ABR: variants seen among roughly 807,000 people sequenced by gnomAD.
The protein encoded by ABR is active breakpoint cluster region-related protein.
A neutral mutation model predicts 107.2 loss-of-function variants in ABR; 35 were observed. The ratio of observed to expected loss-of-function variants is 0.33; its 90% confidence interval spans 0.25 to 0.43. ABR has a LOEUF of 0.43. Among genes scored for constraint, ABR ranks in the 20% least tolerant of loss-of-function variants. The probability of loss-of-function intolerance (pLI) is 1.00; values close to 1 mark genes in which losing one functional copy is unlikely to be tolerated. For missense variants in ABR, 815 were observed against 1,115.2 expected (o/e 0.73, Z 3.83); for synonymous variants, 498 against 462.0 (o/e 1.08, Z -1.00).
At position 1,075,742 on chromosome 17, in the gene ABR, A is replaced by T. The variant is rs28639422; in HGVS notation, c.701-2065T>A. Among the ~76,000 whole-genome samples, 382 of 152,296 alleles carry T rather than the reference A, an allele frequency of 2.5e-3. 3 individuals carry two copies. Among genetic ancestry groups the T allele is most frequent in the African/African-American group, 8.2e-3 (341 of 41,564 alleles). On this transcript the variant is annotated intron_variant, in intron 6 of 22. Coordinates refer to ENST00000302538, the MANE Select transcript of ABR (RefSeq NM_021962.5). ...TTTATGTATTTATTTTAATTTTTTT[A>T]AAAATATAGAGACGAGGGGCCGGGC...
rs568743330 is a variant in ABR at position 1,050,808 on chromosome 17, C to G, written c.1562-174G>C. 6.6e-6 allele frequency among the ~76,000 whole-genome samples: 1 copy of G among 152,010 alleles called. No individual in the cohort carries two copies. The highest frequency in any genetic ancestry group is 1.5e-5 in the Non-Finnish European group (1 of 67,978). ...GACCATCTGGCTTCTCCCCTGCCCC[C>G]TTCTTAGGGGCTCAGCCCTCCCCAC... On this transcript the variant is annotated intron_variant, in intron 14 of 22. Coordinates refer to ENST00000302538, the MANE Select transcript of ABR (RefSeq NM_021962.5). The surrounding 1 kb of genome is among the most constrained non-coding windows in gnomAD (Gnocchi z 4.6).
At chr17:1,017,077 G>C (rs2071222237) in intron 16 of ABR, among the ~76,000 whole-genome samples, 1 of 152,042 alleles carries the variant, frequency 6.6e-6, no homozygotes, top group African/African-American at 2.4e-5. Context: ...ACCCAGAACA[G>C]GAGACAGAAG....
intron 4 of ABR, among the ~76,000 whole-genome samples, chr17:1,088,678 C>T (rs577452338): frequency 2.6e-4 from 39 of 151,902 alleles, no homozygotes; most frequent in Middle Eastern, 3.4e-3. Context: ...CTCTGCCTCC[C>T]GAGTTCAAGC....
At chr17:1,219,216 T>G (rs990995941) in intron 1 of ABR, among the ~76,000 whole-genome samples, 2 of 151,370 alleles carry the variant, frequency 1.3e-5, no homozygotes, top group Non-Finnish European at 2.9e-5. Context: ...ATAATTTTTG[T>G]TTTTTTTAGT....
chr17:1,052,296 C>T (rs1256176719), intron 14 of ABR, among the ~76,000 whole-genome samples: 1 of 151,084 alleles, frequency 6.6e-6, no homozygotes, highest in Non-Finnish European at 1.5e-5. Flanking sequence ...GAAGTGCTGT[C>T]ATCATGGATT....
intron 16 of ABR, among the ~76,000 whole-genome samples, chr17:1,048,029 C>T (rs889312856): frequency 3.0e-4 from 45 of 152,338 alleles, no homozygotes; most frequent in Admixed American, 2.2e-3. Context: ...CTTGCCTGGG[C>T]GTCTCCTGGG....
At position 1,179,943 on chromosome 17, in the gene ABR, C is replaced by A. The variant is rs939272509; in HGVS notation, c.-216G>T. The A allele has an allele frequency of 2.7e-6, 1 of 376,226 alleles. No homozygotes were observed. 23.3% of individuals were successfully genotyped at this position (376,226 alleles called of 1,614,324 possible). On this transcript the variant is annotated 5_prime_UTR_variant, in exon 1 of 23. Transcript: ENST00000302538. This position sits in a 1 kb window ranked among gnomAD's most constrained non-coding sequence, Gnocchi z 4.9. The stretch of plus-strand genomic sequence containing the variant: ...TCCCGAACCCTCCCGGCCCCAGCGG[C>A]CGCGCCGAGCCCAGCTGCGGATCCC...
At chr17:1,175,047 T>TA (rs887675014) in intron 1 of ABR, among the ~76,000 whole-genome samples, 31 of 151,870 alleles carry the variant, frequency 2.0e-4, no homozygotes, top group African/African-American at 7.2e-4. Context: ...AAAAATAAAA[T>TA]AAAAAAATAA....
chr17:1,066,780 C>T (rs778597585), intron 10 of ABR, among the ~76,000 whole-genome samples: 4 of 152,244 alleles, frequency 2.6e-5, no homozygotes, highest in Middle Eastern at 3.4e-3. Context: ...CCACCTGCCT[C>T]GGCCTTCCAA....
intron 1 of ABR, among the ~76,000 whole-genome samples, chr17:1,144,854 T>C (rs1482297237): frequency 6.6e-6 from 1 of 152,100 alleles, no homozygotes; most frequent in African/African-American, 2.4e-5. Flanking sequence ...ACCCTATCTC[T>C]GCTAAAAATA....
chr17:1,139,121 T>C (rs189124159), intron 1 of ABR, among the ~76,000 whole-genome samples: 77 of 152,368 alleles, frequency 5.1e-4, no homozygotes, highest in South Asian at 1.9e-3. Flanking sequence ...CTTTCTTTTT[T>C]CCTTCAACCT....
In ABR at chr17:1,027,400, G is replaced by A. The variant is rs1327976361; in HGVS notation, c.1792-14236C>T. Among the ~76,000 whole-genome samples, 1 of 152,236 alleles carries A rather than the reference G, an allele frequency of 6.6e-6. No individual in the cohort carries two copies. Among genetic ancestry groups the A allele is most frequent in the Non-Finnish European group, 1.5e-5 (1 of 68,034 alleles). On this transcript the variant is annotated intron_variant, in intron 16 of 22. Coordinates refer to ENST00000302538, the MANE Select transcript of ABR (RefSeq NM_021962.5). The surrounding 1 kb of genome is among the most constrained non-coding windows in gnomAD (Gnocchi z 4.7). ...CCCCCTCTGAAGTCGCACACAGTGTGTGCATGGGGTGGCTCTGTGTCTGAG... is the reference window on the plus strand; with the variant it reads ...CCCCCTCTGAAGTCGCACACAGTGTATGCATGGGGTGGCTCTGTGTCTGAG...
rs888578644 is a variant in ABR at position 1,051,018 on chromosome 17, A to G, written c.1562-384T>C. Among the ~76,000 whole-genome samples, 6 of 152,110 alleles carry G rather than the reference A, an allele frequency of 3.9e-5. No homozygotes were observed. The highest frequency in any genetic ancestry group is 1.2e-4 in the African/African-American group (5 of 41,510). ...TCTTCCTCACCATGGAGACGACACCACAAACTCTTCACTGACCGCCCTGGA... is the reference window on the plus strand; with the variant it reads ...TCTTCCTCACCATGGAGACGACACCGCAAACTCTTCACTGACCGCCCTGGA... On this transcript the variant is annotated intron_variant, in intron 14 of 22. Transcript: ENST00000302538. This position sits in a 1 kb window ranked among gnomAD's most constrained non-coding sequence, Gnocchi z 4.3.
Position 1,229,572 on chromosome 17 carries a change from G to T in ABR, c.59C>A (p.Ala20Glu), listed in dbSNP as rs2150779669. Reference sequence around the variant, plus strand: ...CACCGACTCCAGCCTCGGGACCGGCGCCTCCGCCCCGGGGAACTCGGCCCG... The same window carrying T: ...CACCGACTCCAGCCTCGGGACCGGCTCCTCCGCCCCGGGGAACTCGGCCCG... Residue 20 changes from alanine to glutamate, a missense_variant, in exon 1 of 23, where the codon GCG becomes GAG. Coordinates refer to the ABR transcript ENST00000574139. Among the ~76,000 whole-genome samples the T allele has an allele frequency of 2.6e-5, 4 of 152,072 alleles. No homozygotes were observed. In the South Asian group the frequency reaches 8.3e-4, roughly 32 times the overall value.
intron 1 of ABR, among the ~76,000 whole-genome samples, chr17:1,133,183 G>A (rs538234901): frequency 2.6e-5 from 4 of 151,848 alleles, no homozygotes; most frequent in Non-Finnish European, 4.4e-5. Context: ...TGGAGGTTGC[G>A]GTGAGCCAAG....
intron 10 of ABR, among the ~76,000 whole-genome samples, chr17:1,063,146 G>A (rs1291161155): frequency 5.1e-5 from 7 of 138,244 alleles, no homozygotes. Context: ...TATGTGAACT[G>A]AGGGCTATGC....
chr17:1,132,578 C>T (rs112003404), intron 1 of ABR, among the ~76,000 whole-genome samples: 2,008 of 151,934 alleles, frequency 0.013, 50 homozygotes, highest in African/African-American at 0.046. Flanking sequence ...GGGGTTTCAC[C>T]GTGTTAGCCG....
intron 3 of ABR, among the ~76,000 whole-genome samples, chr17:1,095,760 G>A (rs1428031946): frequency 6.6e-6 from 1 of 152,216 alleles, no homozygotes; most frequent in Non-Finnish European, 1.5e-5. Flanking sequence ...CCGTTTGTCA[G>A]CTCTGTCCCC....
In ABR at chr17:1,074,289, C is replaced by T. The variant is rs1644493982; in HGVS notation, c.701-612G>A. On this transcript the variant is annotated intron_variant, in intron 6 of 22. Coordinates refer to ENST00000302538, the MANE Select transcript of ABR (RefSeq NM_021962.5). ...TGCCACACGCAGAACCCCAGAATCA[C>T]ACAGCTCCACCCAGCCATGCCCTGC... Among the ~76,000 whole-genome samples the T allele has an allele frequency of 4.0e-5, 6 of 150,136 alleles. No homozygotes were observed. In the South Asian group the frequency reaches 1.3e-3, roughly 32 times the overall value.
Sources: allele counts gnomAD v4.1 joint callset (sites outside exome capture counted in the v4.1 genomes callset), GRCh38; gene constraint gnomAD v4.1.1; non-coding constraint Gnocchi (gnomAD v3.1); transcripts MANE v1.5; gene names NCBI Gene and HGNC (gene_info 2026-07-23, HGNC 2026-07-21).